ZDHHC15: variants seen among roughly 807,000 people sequenced by gnomAD.
ZDHHC15 encodes the protein palmitoyltransferase ZDHHC15.
Under a neutral mutation model 31.7 loss-of-function variants are expected in ZDHHC15, and 19 were observed. That is an observed-to-expected ratio of 0.60 (90% CI 0.42 to 0.88). ZDHHC15 has a LOEUF of 0.88. ZDHHC15 is among the 40% of genes least tolerant of loss of function. ZDHHC15 has a pLI of 0.00. For missense variants in ZDHHC15, 209 were observed against 251.2 expected, an observed-to-expected ratio of 0.83 and a Z score of 1.14; for synonymous variants, 103 against 90.0, an observed-to-expected ratio of 1.14 and a Z score of -0.82.
At chrX:75,518,233 C>G (rs1265805775) in intron 1 of ZDHHC15, among the ~76,000 whole-genome samples, 14 of 111,274 alleles carry the variant, frequency 1.3e-4, no homozygotes, top group Non-Finnish European at 5.7e-5. Context: ...TGATAAAGAT[C>G]AAGTATTCAG....
rs146591625 is a variant in ZDHHC15, at chrX:75,401,579, C to A, written c.967+15508G>T. ...CAAGCTAATGGAAAACAGAAAAAAG[C>A]GGGGGTTGCAATCCTAATTTCTGAC... On this transcript the variant is annotated intron_variant, in intron 10 of 11. Transcript: ENST00000373367. 3.5e-3 allele frequency among the ~76,000 whole-genome samples: 388 copies of A among 111,632 alleles called. 1 individual carries two copies. Among genetic ancestry groups the A allele is most frequent in the African/African-American group, 0.012 (372 of 30,741 alleles).
intron 3 of ZDHHC15, among the ~76,000 whole-genome samples, chrX:75,473,914 G>C (rs2084545070): frequency 9.0e-6 from 1 of 111,719 alleles, no homozygotes; most frequent in South Asian, 3.8e-4. Flanking sequence ...ATTTGGTTTG[G>C]GTATTGGTGC....
At chrX:75,407,015 C>T (rs915276065) in intron 10 of ZDHHC15, among the ~76,000 whole-genome samples, 15 of 112,571 alleles carry the variant, frequency 1.3e-4, no homozygotes, top group Non-Finnish European at 2.4e-4. Context: ...AGTGCAGTGG[C>T]GTGATCTTGG....
chrX:75,450,729 G>C, intron 4 of ZDHHC15, 73 bp downstream of exon 4: 2 of 1,207,999 alleles, frequency 1.7e-6, no homozygotes, highest in African/African-American at 3.5e-5. Context: ...GGGCTAGTTT[G>C]AGAACATATA....
intron 2 of ZDHHC15, among the ~76,000 whole-genome samples, chrX:75,494,030 A>C (rs1473790679): frequency 1.8e-5 from 2 of 111,589 alleles, no homozygotes; most frequent in Non-Finnish European, 3.8e-5. Context: ...ATATCTAGAA[A>C]ACCCTATCAT....
At chrX:75,508,394 T>C (rs2085203023) in intron 1 of ZDHHC15, among the ~76,000 whole-genome samples, 1 of 101,126 alleles carries the variant, frequency 9.9e-6, no homozygotes, top group African/African-American at 3.6e-5. Context: ...GAACATGCAG[T>C]GTTTGGTTTT....
chrX:75,487,907 T>C (rs956838823), intron 2 of ZDHHC15, among the ~76,000 whole-genome samples: 1 of 111,961 alleles, frequency 8.9e-6, no homozygotes, highest in African/African-American at 3.2e-5. Flanking sequence ...ACAAAAGAAT[T>C]GAACAAAGAG....
At chrX:75,382,454 A>G (rs1398546413) in intron 10 of ZDHHC15, among the ~76,000 whole-genome samples, 1 of 111,939 alleles carries the variant, frequency 8.9e-6, no homozygotes, top group Non-Finnish European at 1.9e-5. Flanking sequence ...TACCCAAAGG[A>G]GTACCCTTCT....
At chrX:75,444,890 G>A (rs1288033726) in intron 4 of ZDHHC15, among the ~76,000 whole-genome samples, 2 of 108,300 alleles carry the variant, frequency 1.8e-5, no homozygotes, top group African/African-American at 3.4e-5. Context: ...TGGGACTTAC[G>A]TGATCAGGGT....
At chrX:75,497,588 T>G (rs1357568272) in intron 2 of ZDHHC15, among the ~76,000 whole-genome samples, 1 of 111,596 alleles carries the variant, frequency 9.0e-6, no homozygotes, top group Non-Finnish European at 1.9e-5. Flanking sequence ...TACAAAATAC[T>G]AGCTAACCGA....
chrX:75,424,749 G>T lies in ZDHHC15; in HGVS notation c.639C>A (p.Val213=). The change falls in exon 8 of 12, where the codon GTC becomes GTA. Residue 213 remains valine, a synonymous_variant. Transcript: ENST00000373367. ...ELPSVRSKFH[V]LFLLFVACMF... Reference sequence around the variant, plus strand: ...TGCAGGCCACAAAGAGAAGAAAAAGGACATGGAACTTAGAGCGAACACTGG... The same window carrying T: ...TGCAGGCCACAAAGAGAAGAAAAAGTACATGGAACTTAGAGCGAACACTGG... The T allele has an allele frequency of 8.3e-7, 1 of 1,205,380 alleles. No homozygotes were observed. Among genetic ancestry groups the T allele is most frequent in the Non-Finnish European group, 1.1e-6 (1 of 892,496 alleles).
At chrX:75,506,588 CTTG>C (rs2085168676) in intron 1 of ZDHHC15, among the ~76,000 whole-genome samples, 1 of 111,535 alleles carries the variant, frequency 9.0e-6, no homozygotes, top group African/African-American at 3.2e-5. Flanking sequence ...ATACCAACTC[CTTG>C]TTGTTGTCTT....
chrX:75,410,544 T>C (rs1237881237), intron 10 of ZDHHC15, among the ~76,000 whole-genome samples: 1 of 111,721 alleles, frequency 9.0e-6, no homozygotes, highest in Non-Finnish European at 1.9e-5. Context: ...ATCAAACCAT[T>C]GTGAGATACC....
At chrX:75,495,258 G>A (rs370032963) in intron 2 of ZDHHC15, among the ~76,000 whole-genome samples, 8 of 111,442 alleles carry the variant, frequency 7.2e-5, no homozygotes, top group Admixed American at 1.9e-4. Flanking sequence ...TTAGAATGGC[G>A]ATCATTAAAA....
intron 4 of ZDHHC15, among the ~76,000 whole-genome samples, chrX:75,448,646 G>A (rs746079822): frequency 4.5e-5 from 5 of 111,462 alleles, no homozygotes; most frequent in South Asian, 3.8e-4. Context: ...GGGTTAGTGC[G>A]TTTTCAGTTG....
Position 75,474,546 on chromosome X carries a change from TTA to T in ZDHHC15, c.258+4343_258+4344del, listed in dbSNP as rs200793794. Among the ~76,000 whole-genome samples the T allele has an allele frequency of 8.9e-3, 58 of 6,541 alleles. 1 individual carries two copies. Among genetic ancestry groups the T allele is most frequent in the Admixed American group, 0.031 (6 of 193 alleles). The allele number at this position is 6,541 out of a possible 115,157, so 5.7% of individuals were successfully genotyped here. On this transcript the variant is annotated intron_variant, in intron 3 of 11. Coordinates refer to ENST00000373367, the MANE Select transcript of ZDHHC15 (RefSeq NM_144969.3). ...TGTATATATATATATATAATCCCCTTTATATATATATATATAATCCCCTTTAT... is the reference window on the plus strand; with the variant it reads ...TGTATATATATATATATAATCCCCTTTATATATATATATAATCCCCTTTAT...
At chrX:75,506,010 A>G (rs1176474946) in intron 1 of ZDHHC15, among the ~76,000 whole-genome samples, 163 bp from the exon 2 acceptor site, 1 of 111,497 alleles carries the variant, frequency 9.0e-6, no homozygotes, top group African/African-American at 3.3e-5. Flanking sequence ...CTAGGCAAAG[A>G]TGAGGGAAGG....
intron 10 of ZDHHC15, among the ~76,000 whole-genome samples, chrX:75,386,149 G>A (rs961694742): frequency 5.4e-5 from 6 of 111,656 alleles, no homozygotes; most frequent in African/African-American, 2.0e-4. Context: ...GTCATATAAA[G>A]AAAGTTTTAT....
At chrX:75,433,417 T>A (rs115514336) in intron 4 of ZDHHC15, among the ~76,000 whole-genome samples, 1 of 110,716 alleles carries the variant, frequency 9.0e-6, no homozygotes, top group African/African-American at 3.3e-5. Context: ...TGTAGTCTGT[T>A]AACCCTTGCC....
Sources: gnomAD v4.1 joint callset for allele counts (sites outside exome capture counted in the v4.1 genomes callset) on GRCh38, gnomAD v4.1.1 for gene constraint, MANE v1.5 for transcripts, NCBI Gene and HGNC (gene_info 2026-07-23, HGNC 2026-07-21) for gene names.